The following RNF103 variants were observed in gnomAD, a reference collection of about 807,000 sequenced individuals.
The protein encoded by RNF103 is ring finger protein 103.
RNF103 carries 23 observed loss-of-function variants against 66.2 expected under a neutral mutation model. The ratio of observed to expected loss-of-function variants is 0.35; its 90% CI spans 0.25 to 0.49. RNF103 has a LOEUF of 0.49. Ranked by LOEUF, RNF103 falls within the 20% of genes least tolerant of loss-of-function variation. The pLI is 0.98. For missense variants in RNF103, 730 were observed against 814.7 expected (o/e 0.90, Z 1.27); for synonymous variants, 297 against 289.9 (o/e 1.02, Z -0.25).
intron 1 of RNF103, among the ~76,000 whole-genome samples, chr2:86,622,214 T>C (rs575838633): frequency 3.9e-5 from 6 of 152,324 alleles, no homozygotes; most frequent in Admixed American, 1.3e-4. Context: ...CCTCTGATAG[T>C]AAGTATTCCA....
At chr2:86,618,982 A>C (rs1452832650) in intron 2 of RNF103, among the ~76,000 whole-genome samples, 1 of 152,214 alleles carries the variant, frequency 6.6e-6, no homozygotes, top group Non-Finnish European at 1.5e-5. Context: ...ACTGAATTAG[A>C]TTATCCGGAA....
intron 3 of RNF103, among the ~76,000 whole-genome samples, chr2:86,611,070 G>A (rs1650558830): frequency 1.3e-5 from 2 of 151,718 alleles, no homozygotes; most frequent in Middle Eastern, 3.4e-3. Context: ...CAGCTACTTG[G>A]AATGCTGAGG....
Position 86,612,351 on chromosome 2 carries a change from A to C in RNF103, c.367-77T>G, listed in dbSNP as rs1573360503. On this transcript the variant is annotated intron_variant, in intron 2 of 3. Coordinates refer to ENST00000237455, the MANE Select transcript of RNF103 (RefSeq NM_005667.4). ...AGCCAACCGTTTACATCAACAATAT[A>C]ATTTCACTTAAAAAAAAAGATATTC... 3 of 719,974 alleles carry C rather than the reference A, an allele frequency of 4.2e-6. No individual in the cohort carries two copies. The East Asian group carries it at 7.7e-5, about 19-fold the overall frequency. 44.6% of individuals were successfully genotyped at this position (719,974 alleles called of 1,614,324 possible).
Position 86,622,743 on chromosome 2 carries a change from C to T in RNF103, c.144G>A (p.Leu48=), listed in dbSNP as rs1558690064. Residue 48 remains leucine (L), a synonymous_variant, in exon 1 of 4, where the codon CTG becomes CTA. Transcript: ENST00000237455. ...VDPVALSFKK[L]KTILECRGLG... The stretch of plus-strand genomic sequence containing the variant: ...ACCCCCGGCACTCCAAAATGGTCTT[C>T]AGCTTCTTGAAGCTCAGCGCCACCG... 3 of 1,614,196 alleles carry T rather than the reference C, an allele frequency of 1.9e-6. No homozygotes were observed. The highest frequency in any genetic ancestry group is 2.5e-6 in the Non-Finnish European group (3 of 1,180,008).
chr2:86,608,839 C>G (rs1048091976), intron 3 of RNF103, among the ~76,000 whole-genome samples: 1 of 152,140 alleles, frequency 6.6e-6, no homozygotes, highest in African/African-American at 2.4e-5. Flanking sequence ...CCTCTGAAAT[C>G]GATCTGCTGG....
chr2:86,620,295 C>T (rs748505758), intron 2 of RNF103, 35 bp downstream of exon 2: 1 of 1,549,386 alleles, frequency 6.5e-7, no homozygotes, highest in South Asian at 1.2e-5. Flanking sequence ...TTTTTTAGGG[C>T]TCTCGAATTA....
rs550341131 is a variant in RNF103 at position 86,604,217 on chromosome 2, G to A, written c.1684C>T (p.His562Tyr). 236 of 1,613,994 alleles carry A rather than the reference G, an allele frequency of 1.5e-4. 1 individual carries two copies. The South Asian group carries it at 2.3e-3, about 16-fold the overall frequency. Residue 562 changes from histidine to tyrosine, a missense_variant, in exon 4 of 4, where the codon CAC becomes TAC. By Grantham distance (83) the His-to-Tyr change is moderately conservative. Around this residue, in one of 3 missense-constraint regions of RNF103, gnomAD observed 355 missense variants for 351.9 expected, o/e 1.01. Coordinates refer to ENST00000237455, the MANE Select transcript of RNF103 (RefSeq NM_005667.4). ...EVFEDKQSVL[H>Y]NSPGTASHCD... Reference sequence around the variant, plus strand: ...TGACTTGCTGTTCCTGGAGAATTGTGAAGTACGCTTTGCTTATCTTCAAAT... The same window carrying A: ...TGACTTGCTGTTCCTGGAGAATTGTAAAGTACGCTTTGCTTATCTTCAAAT...
chr2:86,605,534 A>C, intron 3 of RNF103, 116 bp from the exon 4 acceptor site: 2 of 1,048,384 alleles, frequency 1.9e-6, no homozygotes, highest in South Asian at 2.0e-5. Context: ...AATAATCAAA[A>C]AGTGGTACCA....
chr2:86,623,237 C>T lies in RNF103; in HGVS notation c.-351G>A, dbSNP rs1230664520. The T allele has an allele frequency of 9.9e-7, 1 of 1,008,866 alleles. No homozygotes were observed. Among genetic ancestry groups the T allele is most frequent in the African/African-American group, 1.7e-5 (1 of 57,740 alleles). The allele number at this position is 1,008,866 out of a possible 1,614,324, so 62.5% of individuals were successfully genotyped here. A position where few individuals can be genotyped will look rare whatever the true frequency, so the allele number is the denominator to read the frequency against. On this transcript the variant is annotated 5_prime_UTR_variant, in exon 1 of 4. Coordinates refer to ENST00000237455, the MANE Select transcript of RNF103 (RefSeq NM_005667.4). ...AGAACAAAACGAGGGACGCTTCCCC[C>T]GGGGCGGGCACTGACCCAGGTGGCG...
In RNF103 at chr2:86,623,862, T is replaced by A. The variant is rs962197271; in HGVS notation, c.-976A>T. On this transcript the variant is annotated 5_prime_UTR_variant, in exon 1 of 4. An upstream start codon of the reference 5' UTR is lost. Coordinates refer to ENST00000237455, the MANE Select transcript of RNF103 (RefSeq NM_005667.4). ...GGCGGCCGCGGCCGGAGCCGAGACA[T>A]AACAACTGACGTCGCGATGAGGCGG... The A allele has an allele frequency of 3.9e-6, 5 of 1,287,448 alleles. No individual in the cohort carries two copies. Among genetic ancestry groups the A allele is most frequent in the East Asian group, 5.6e-5 (1 of 17,742 alleles). 79.8% of individuals were successfully genotyped at this position (1,287,448 alleles called of 1,614,324 possible).
intron 3 of RNF103, among the ~76,000 whole-genome samples, chr2:86,611,848 G>A (rs1678806726): frequency 6.6e-6 from 1 of 152,060 alleles, no homozygotes; most frequent in Non-Finnish European, 1.5e-5. Context: ...GATCTCTTTG[G>A]AAAAGAAAGG....
chr2:86,604,142 G>A lies in RNF103; in HGVS notation c.1759C>T (p.Pro587Ser), dbSNP rs146295636. ...TATGACCTCCCCTTCCTTTCACATGGGCTGGTCTGACAATATTTATTGGCA... is the reference window on the plus strand; with the variant it reads ...TATGACCTCCCCTTCCTTTCACATGAGCTGGTCTGACAATATTTATTGGCA... ...SCANKYCQTS[P>S]CERKGRSYGS... Residue 587 changes from proline (P) to serine (S), a missense_variant, in exon 4 of 4, where the codon CCA becomes TCA. Coordinates refer to ENST00000237455, the MANE Select transcript of RNF103 (RefSeq NM_005667.4). 1.3e-5 allele frequency: 21 copies of A among 1,613,210 alleles called. No homozygotes were observed. In the African/African-American group the frequency reaches 2.8e-4, roughly 22 times the overall value.
chr2:86,605,970 G>A (rs1357007414), intron 3 of RNF103, among the ~76,000 whole-genome samples: 1 of 152,132 alleles, frequency 6.6e-6, no homozygotes, highest in Non-Finnish European at 1.5e-5. Flanking sequence ...AGCTCCTTGA[G>A]GGTAGGAGTC....
intron 2 of RNF103, chr2:86,617,093 G>A (rs1679050746): frequency 1.0e-6 from 1 of 984,970 alleles, no homozygotes; most frequent in South Asian, 4.7e-5. Flanking sequence ...GGTTCTACAT[G>A]TATTTCATAG....
At chr2:86,620,294 G>A (rs375728064) in intron 2 of RNF103, 36 bp downstream of exon 2, 5 of 1,547,220 alleles carry the variant, frequency 3.2e-6, no homozygotes, top group Non-Finnish European at 4.4e-6. Context: ...TTTTTTTAGG[G>A]CTCTCGAATT....
At chr2:86,613,937 A>G (rs187122507) in intron 2 of RNF103, 2 of 151,452 alleles carry the variant, frequency 1.3e-5, no homozygotes, top group Non-Finnish European at 3.0e-5. Context: ...TTGATATTAC[A>G]TTTTTTTTTA....
intron 1 of RNF103, 91 bp from the exon 2 acceptor site, chr2:86,620,560 AT>A (rs1679193081): frequency 1.0e-5 from 14 of 1,355,906 alleles, no homozygotes; most frequent in Admixed American, 2.5e-5. Flanking sequence ...GTTAAGAATC[AT>A]GATATTGTAC....
At chr2:86,616,834 A>C (rs1679042889) in intron 2 of RNF103, 10 of 985,354 alleles carry the variant, frequency 1.0e-5, no homozygotes, top group Non-Finnish European at 7.2e-6. Flanking sequence ...TGTTAGGAGG[A>C]GGATAAATCC....
intron 3 of RNF103, among the ~76,000 whole-genome samples, chr2:86,610,205 T>A (rs1678739233): frequency 6.6e-6 from 1 of 152,174 alleles, no homozygotes; most frequent in East Asian, 1.9e-4. Context: ...TAACAAAAAC[T>A]ATAGCTACAA....
Sources: allele counts gnomAD v4.1 joint callset (sites outside exome capture counted in the v4.1 genomes callset), GRCh38; gene constraint gnomAD v4.1.1; regional missense constraint gnomAD v4.1.1; transcripts MANE v1.5; gene names NCBI Gene and HGNC (gene_info 2026-07-23, HGNC 2026-07-21).